RP1: variants seen among roughly 807,000 people sequenced by gnomAD.
RP1 encodes the protein RP1 axonemal microtubule associated, also known as oxygen-regulated protein 1.
In RP1, 16 loss-of-function variants were observed where a neutral mutation model predicts 14.8. The observed-to-expected ratio is 1.08, with a 90% CI of 0.73 to 1.65. RP1 has a LOEUF of 1.65. Ranked by LOEUF, RP1 falls within the 40% of genes most tolerant of loss-of-function variation. The pLI is 0.00. For synonymous variants in RP1, 876 were observed against 883.6 expected (o/e 0.99, Z 0.15); for missense variants, 2,631 against 2,535.0 (o/e 1.04, Z -0.81).
intron 5 of RP1, among the ~76,000 whole-genome samples, chr8:54,654,964 A>G (rs1210981797): frequency 1.3e-5 from 2 of 152,186 alleles, no homozygotes; most frequent in Non-Finnish European, 2.9e-5. Context: ...TGCCTTTTTA[A>G]CAGGGTGATT....
At chr8:54,738,674 G>A (rs1320379592) in intron 18 of RP1, among the ~76,000 whole-genome samples, 2 of 152,058 alleles carry the variant, frequency 1.3e-5, no homozygotes, top group Non-Finnish European at 2.9e-5. Context: ...AGAGAACTGA[G>A]CATATGTGTG....
At chr8:54,826,063 A>G (rs1811381191) in intron 24 of RP1, among the ~76,000 whole-genome samples, 1 of 152,154 alleles carries the variant, frequency 6.6e-6, no homozygotes, top group Admixed American at 6.5e-5. Flanking sequence ...AGTGAGCCTG[A>G]CTCAAAATTA....
chr8:54,773,119 T>G (rs1157289581), downstream of RP1, among the ~76,000 whole-genome samples: 1 of 152,116 alleles, frequency 6.6e-6, no homozygotes, highest in Admixed American at 6.5e-5. Flanking sequence ...TCACCATTCA[T>G]TCTCCTGGCT....
At chr8:54,793,567 G>A (rs186248188) in intron 24 of RP1, among the ~76,000 whole-genome samples, 6 of 151,868 alleles carry the variant, frequency 4.0e-5, no homozygotes, top group Admixed American at 3.9e-4. Context: ...ACAGAAGGAA[G>A]GATAAAAATA....
chr8:54,630,470 T>C lies in RP1; in HGVS notation c.*117T>C, dbSNP rs1806223408. ...ATTTTCCACTTCTTCAAAATGAACTTACTCTAGAAAGCTTACCCTTGGATA... is the reference window on the plus strand; with the variant it reads ...ATTTTCCACTTCTTCAAAATGAACTCACTCTAGAAAGCTTACCCTTGGATA... On this transcript the variant is annotated 3_prime_UTR_variant, in exon 4 of 4. Transcript: ENST00000220676. The C allele has an allele frequency of 6.6e-7, 1 of 1,520,576 alleles. No homozygotes were observed. The highest frequency in any genetic ancestry group is 1.3e-5 in the South Asian group (1 of 77,548). 94.2% of individuals were successfully genotyped at this position (1,520,576 alleles called of 1,614,324 possible).
intron 19 of RP1, among the ~76,000 whole-genome samples, chr8:54,742,153 T>C (rs1809113506): frequency 6.6e-6 from 1 of 152,098 alleles, no homozygotes; most frequent in Non-Finnish European, 1.5e-5. Flanking sequence ...GAGATTTCTG[T>C]ATGGAAGCAC....
intron 24 of RP1, among the ~76,000 whole-genome samples, chr8:54,810,665 T>C (rs949073248): frequency 1.3e-5 from 2 of 152,232 alleles, no homozygotes; most frequent in Non-Finnish European, 2.9e-5. Context: ...AAATGAAACA[T>C]GTAATGTTTG....
intron 24 of RP1, among the ~76,000 whole-genome samples, chr8:54,825,631 G>T (rs1227763990): frequency 6.6e-6 from 1 of 152,212 alleles, no homozygotes; most frequent in Admixed American, 6.5e-5. Context: ...CCTGCTGGTT[G>T]TTGGTATTAG....
chr8:54,579,283 C>A (rs753315097), intron 1 of RP1, among the ~76,000 whole-genome samples: 1 of 152,124 alleles, frequency 6.6e-6, no homozygotes, highest in Non-Finnish European at 1.5e-5. Context: ...ACATTTCCCT[C>A]CAAATGAGAG....
At chr8:54,652,773 T>C (rs1806681334) in intron 4 of RP1, 2 of 1,533,050 alleles carry the variant, frequency 1.3e-6, no homozygotes, top group Non-Finnish European at 1.7e-6. Flanking sequence ...CCCTTGGCTC[T>C]TCATAGATAA....
intron 13 of RP1, chr8:54,701,375 T>C (rs1808012372): frequency 1.1e-6 from 1 of 884,796 alleles, no homozygotes; most frequent in Admixed American, 4.0e-5. Flanking sequence ...TTATAAATAG[T>C]ACAAAGTTTC....
chr8:54,837,350 A>T, intron 24 of RP1: 1 of 432,622 alleles, frequency 2.3e-6, no homozygotes, highest in Non-Finnish European at 3.8e-6. Context: ...AGTAAGGAGT[A>T]TTTATGATAA....
At chr8:54,694,186 A>G (rs182506309) in intron 12 of RP1, among the ~76,000 whole-genome samples, 98 of 152,270 alleles carry the variant, frequency 6.4e-4, no homozygotes, top group Non-Finnish European at 1.2e-3. Context: ...ATCATAGTGG[A>G]TAAGCTTTTT....
downstream of RP1, among the ~76,000 whole-genome samples, chr8:54,632,356 A>G (rs2129319510): frequency 6.6e-6 from 1 of 152,308 alleles, no homozygotes; most frequent in Non-Finnish European, 1.5e-5. Context: ...TTCATGCATC[A>G]TAATTGGGAG....
intron 24 of RP1, among the ~76,000 whole-genome samples, chr8:54,804,212 C>T (rs1810791705): frequency 6.6e-6 from 1 of 151,762 alleles, no homozygotes; most frequent in African/African-American, 2.4e-5. Flanking sequence ...TGTTTTGCAA[C>T]TCCGATTTAA....
chr8:54,759,016 G>A (rs1446237834), exon 22 of RP1: 5 of 1,535,874 alleles, frequency 3.3e-6, no homozygotes, highest in Non-Finnish European at 4.4e-6. Context: ...TACTGGTACT[G>A]TGAACAAGTC....
intron 1 of RP1, among the ~76,000 whole-genome samples, chr8:54,580,300 CTTTTTTTTTTT>C (rs906806636): frequency 7.1e-4 from 57 of 80,176 alleles, no homozygotes; most frequent in Non-Finnish European, 8.7e-4. Flanking sequence ...TCGTAGACTT[CTTTTTTTTTTT>C]TTTTTTTTTT....
At chr8:54,618,703 TGGG>T (rs1805783747) in intron 1 of RP1, among the ~76,000 whole-genome samples, 2 of 152,204 alleles carry the variant, frequency 1.3e-5, no homozygotes, top group Admixed American at 6.5e-5. Context: ...TCATCCAGGC[TGGG>T]GTGCAGTGGT....
chr8:54,590,012 T>A (rs1454849890), intron 1 of RP1, among the ~76,000 whole-genome samples: 1 of 152,142 alleles, frequency 6.6e-6, no homozygotes, highest in Non-Finnish European at 1.5e-5. Flanking sequence ...CCAGATGACC[T>A]GCATCAAGTA....
Sources: gnomAD v4.1 joint callset for allele counts (sites outside exome capture counted in the v4.1 genomes callset) on GRCh38, gnomAD v4.1.1 for gene constraint, MANE v1.5 for transcripts, NCBI Gene and HGNC (gene_info 2026-07-23, HGNC 2026-07-21) for gene names.